The following SPMAP2L variants were observed in gnomAD, a reference collection of about 807,000 sequenced individuals.
SPMAP2L encodes the protein sperm microtubule associated protein 2 like.
At chr4:56,530,641 G>C in the SPMAP2L span, 4 of 1,522,260 alleles carry the variant, frequency 2.6e-6, no homozygotes, top group Non-Finnish European at 3.5e-6. Flanking sequence ...CAGTCGGGAG[G>C]GTGAGTCCCG....
the SPMAP2L span, among the ~76,000 whole-genome samples, chr4:56,575,979 C>T: frequency 1.3e-5 from 2 of 152,192 alleles, no homozygotes; most frequent in Admixed American, 6.5e-5. Flanking sequence ...CTTTTTCTTC[C>T]TTTTGCTTTG....
chr4:56,539,187 T>G, the SPMAP2L span, among the ~76,000 whole-genome samples: 1 of 148,242 alleles, frequency 6.7e-6, no homozygotes, highest in Admixed American at 6.7e-5. Context: ...TAATCATCAC[T>G]GTTATTGCTG....
At chr4:56,588,856 C>A in the SPMAP2L span, among the ~76,000 whole-genome samples, 1 of 152,218 alleles carries the variant, frequency 6.6e-6, no homozygotes, top group Non-Finnish European at 1.5e-5. Flanking sequence ...AGCCAATTAT[C>A]CCAGCACCAT....
At chr4:56,552,533 A>C in the SPMAP2L span, 1 of 1,413,496 alleles carries the variant, frequency 7.1e-7, no homozygotes, top group South Asian at 1.2e-5. Flanking sequence ...TGAATTAATC[A>C]GCTGCTATTT....
the SPMAP2L span, among the ~76,000 whole-genome samples, chr4:56,562,594 C>T: frequency 6.6e-6 from 1 of 152,156 alleles, no homozygotes; most frequent in African/African-American, 2.4e-5. Flanking sequence ...CACTCAAGTG[C>T]TACCTAAAAC....
the SPMAP2L span, among the ~76,000 whole-genome samples, chr4:56,606,098 G>A: frequency 4.6e-5 from 7 of 152,072 alleles, no homozygotes; most frequent in Admixed American, 2.6e-4. Flanking sequence ...CTCTTTGGCC[G>A]CCGGCTTAAT....
chr4:56,559,947 A>G, the SPMAP2L span, among the ~76,000 whole-genome samples: 23 of 152,346 alleles, frequency 1.5e-4, no homozygotes, highest in South Asian at 1.0e-3. Context: ...GTCAAAATTC[A>G]TTGAGAATTA....
the SPMAP2L span, chr4:56,595,183 C>T: frequency 1.9e-5 from 30 of 1,611,454 alleles, no homozygotes; most frequent in East Asian, 2.9e-4. Flanking sequence ...CATGGCCAAG[C>T]GATTAGAAAA....
At chr4:56,586,865 C>T in the SPMAP2L span, among the ~76,000 whole-genome samples, 3,783 of 151,954 alleles carry the variant, frequency 0.025, 152 homozygotes, top group African/African-American at 0.084. Context: ...GACACAAACC[C>T]CACCTCTCAA....
the SPMAP2L span, among the ~76,000 whole-genome samples, chr4:56,592,698 G>C: frequency 3.9e-5 from 6 of 152,010 alleles, no homozygotes; most frequent in Admixed American, 2.0e-4. Context: ...CTCCTGGGCC[G>C]CGGGGTCGGG....
chr4:56,623,726 T>C, the SPMAP2L span, among the ~76,000 whole-genome samples: 1 of 152,174 alleles, frequency 6.6e-6, no homozygotes, highest in Non-Finnish European at 1.5e-5. Flanking sequence ...CTCCTCATTT[T>C]TTCTCTTGCC....
At chr4:56,594,400 C>T in the SPMAP2L span, 1 of 1,589,172 alleles carries the variant, frequency 6.3e-7, no homozygotes, top group Non-Finnish European at 8.6e-7. Context: ...ACATCCACCC[C>T]TTTGTGCCTC....
the SPMAP2L span, among the ~76,000 whole-genome samples, chr4:56,569,220 G>T: frequency 6.6e-6 from 1 of 152,088 alleles, no homozygotes; most frequent in Admixed American, 6.6e-5. Context: ...ACTTTTTGAT[G>T]AACTGCTAGA....
At chr4:56,551,504 CG>C in the SPMAP2L span, among the ~76,000 whole-genome samples, 121,453 of 152,018 alleles carry the variant, frequency 0.8, 48,731 homozygotes, top group Middle Eastern at 0.84. Flanking sequence ...CAGTTCAATT[CG>C]GGGGTGTCAG....
At chr4:56,574,513 A>G in the SPMAP2L span, among the ~76,000 whole-genome samples, 1 of 152,232 alleles carries the variant, frequency 6.6e-6, no homozygotes, top group Admixed American at 6.5e-5. Context: ...TATTCTGTGC[A>G]CATCATCAAG....
the SPMAP2L span, among the ~76,000 whole-genome samples, chr4:56,608,006 A>T: frequency 6.6e-6 from 1 of 151,560 alleles, no homozygotes. Flanking sequence ...AAAAAAAAAA[A>T]AAAAAAAGAA....
chr4:56,548,822 T>C, the SPMAP2L span: 1 of 1,488,340 alleles, frequency 6.7e-7, no homozygotes, highest in South Asian at 1.3e-5. Context: ...TGTAAGGAAA[T>C]GGTAAGACAT....
chr4:56,555,096 C>T, the SPMAP2L span, among the ~76,000 whole-genome samples: 424 of 152,016 alleles, frequency 2.8e-3, 2 homozygotes, highest in African/African-American at 9.7e-3. Flanking sequence ...GGCACCACCA[C>T]GCCTGGCTAA....
chr4:56,550,064 A>C, the SPMAP2L span, among the ~76,000 whole-genome samples: 4 of 152,246 alleles, frequency 2.6e-5, no homozygotes, highest in Admixed American at 1.3e-4. Context: ...GAAGTGGGTC[A>C]AAACCATTCA....
Sources: gnomAD v4.1 joint callset for allele counts (sites outside exome capture counted in the v4.1 genomes callset) on GRCh38, gnomAD v4.1.1 for gene constraint, MANE v1.5 for transcripts, NCBI Gene and HGNC (gene_info 2026-07-23, HGNC 2026-07-21) for gene names.